The following CCDC192 variants were observed in gnomAD, a reference collection of about 807,000 sequenced individuals.
The protein encoded by CCDC192 is coiled-coil domain-containing protein 192.
chr5:127,892,938 G>A (rs146377330), intron 6 of CCDC192, among the ~76,000 whole-genome samples: 2 of 152,196 alleles, frequency 1.3e-5, no homozygotes, highest in East Asian at 1.9e-4. Context: ...TCCAAATACC[G>A]CAAGAGACAA....
At chr5:127,816,072 T>C (rs1030600001) in intron 5 of CCDC192, among the ~76,000 whole-genome samples, 42 of 152,122 alleles carry the variant, frequency 2.8e-4, no homozygotes, top group African/African-American at 1.0e-3. Flanking sequence ...GAAGTTGAGA[T>C]ACATTAATAT....
At chr5:127,853,024 A>T (rs2127088114) in intron 5 of CCDC192, among the ~76,000 whole-genome samples, 1 of 152,228 alleles carries the variant, frequency 6.6e-6, no homozygotes, top group East Asian at 1.9e-4. Context: ...CAGGAGGCGG[A>T]GCTTGCAGTG....
At chr5:127,787,143 A>G (rs1449716728) in intron 3 of CCDC192, 5 of 225,676 alleles carry the variant, frequency 2.2e-5, no homozygotes, top group Non-Finnish European at 3.7e-5. Flanking sequence ...AAATTTATTC[A>G]CAGCAGTTTG....
intron 2 of CCDC192, among the ~76,000 whole-genome samples, chr5:127,746,979 C>T (rs921083700): frequency 7.2e-5 from 11 of 151,770 alleles, no homozygotes; most frequent in Non-Finnish European, 1.6e-4. Context: ...TCAGGAAATG[C>T]ACACATGTAA....
chr5:127,929,889 C>T (rs1292968414), intron 6 of CCDC192, among the ~76,000 whole-genome samples: 1 of 152,104 alleles, frequency 6.6e-6, no homozygotes, highest in Non-Finnish European at 1.5e-5. Context: ...ACATTTGACA[C>T]TAGTGCAACA....
chr5:127,800,404 A>AAC (rs1359638759), intron 5 of CCDC192, among the ~76,000 whole-genome samples: 3 of 110,894 alleles, frequency 2.7e-5, no homozygotes, highest in Non-Finnish European at 6.0e-5. Context: ...AAAAAAAACA[A>AAC]CAACAACAAA....
intron 3 of CCDC192, among the ~76,000 whole-genome samples, chr5:127,763,916 TC>T (rs1187932965): frequency 1.3e-5 from 2 of 152,122 alleles, no homozygotes; most frequent in African/African-American, 4.8e-5. Flanking sequence ...TAGATGCCAT[TC>T]CCTCCAAAAT....
At chr5:127,830,899 C>T (rs978362169) in intron 5 of CCDC192, among the ~76,000 whole-genome samples, 1 of 151,970 alleles carries the variant, frequency 6.6e-6, no homozygotes, top group African/African-American at 2.4e-5. Flanking sequence ...AATGTTAAAC[C>T]ACATCTTAAG....
chr5:127,823,894 A>AT (rs1236652965), intron 5 of CCDC192, among the ~76,000 whole-genome samples: 2 of 152,080 alleles, frequency 1.3e-5, no homozygotes, highest in Non-Finnish European at 2.9e-5. Context: ...CAACTGACCA[A>AT]TTTTTTCTTT....
intron 2 of CCDC192, among the ~76,000 whole-genome samples, chr5:127,721,854 G>C (rs967412139): frequency 6.6e-6 from 1 of 152,096 alleles, no homozygotes; most frequent in Non-Finnish European, 1.5e-5. Context: ...AGAGAAAGCG[G>C]GGAGGTGCCA....
chr5:127,829,746 T>G (rs1749698723), intron 5 of CCDC192, among the ~76,000 whole-genome samples: 1 of 152,230 alleles, frequency 6.6e-6, no homozygotes, highest in South Asian at 2.1e-4. Context: ...TTAGTGTTTT[T>G]GTGTCTTTGT....
intron 2 of CCDC192, among the ~76,000 whole-genome samples, chr5:127,743,942 A>C (rs905608096): frequency 2.0e-5 from 3 of 151,802 alleles, no homozygotes; most frequent in African/African-American, 7.3e-5. Context: ...AAATACAAAA[A>C]AATTAGCCAG....
At chr5:127,763,916 T>C (rs907923108) in intron 3 of CCDC192, among the ~76,000 whole-genome samples, 2 of 152,122 alleles carry the variant, frequency 1.3e-5, no homozygotes, top group African/African-American at 4.8e-5. Context: ...TAGATGCCAT[T>C]CCCTCCAAAA....
intron 3 of CCDC192, among the ~76,000 whole-genome samples, chr5:127,769,474 G>A (rs1170804551): frequency 6.6e-6 from 1 of 151,904 alleles, no homozygotes; most frequent in African/African-American, 2.4e-5. Flanking sequence ...TGAAAACTGG[G>A]AGTCATCAAT....
intron 6 of CCDC192, among the ~76,000 whole-genome samples, chr5:127,918,194 G>A (rs1753582786): frequency 7.3e-6 from 1 of 137,388 alleles, no homozygotes; most frequent in African/African-American, 3.3e-5. Context: ...CCAATGCAGG[G>A]TTGCCAGACA....
At chr5:127,808,137 A>G (rs960364418) in intron 5 of CCDC192, among the ~76,000 whole-genome samples, 2 of 152,100 alleles carry the variant, frequency 1.3e-5, no homozygotes, top group Admixed American at 1.3e-4. Flanking sequence ...TTTTGTTTTT[A>G]TAAATGGTTA....
intron 2 of CCDC192, among the ~76,000 whole-genome samples, chr5:127,753,479 C>T (rs1209944380): frequency 2.0e-5 from 3 of 152,048 alleles, no homozygotes; most frequent in East Asian, 1.9e-4. Flanking sequence ...GGGCAGATCA[C>T]GAGGTCAGGA....
At chr5:127,838,849 G>T (rs1750150496) in intron 5 of CCDC192, among the ~76,000 whole-genome samples, 1 of 152,192 alleles carries the variant, frequency 6.6e-6, no homozygotes. Flanking sequence ...GTACTTCAGT[G>T]GTGTGACCAG....
chr5:127,908,467 C>G (rs1004999381), intron 6 of CCDC192, among the ~76,000 whole-genome samples: 1 of 152,128 alleles, frequency 6.6e-6, no homozygotes, highest in Non-Finnish European at 1.5e-5. Flanking sequence ...CATTCTTTTA[C>G]TTTCCCAAAA....
Sources: gnomAD v4.1 joint callset for allele counts (sites outside exome capture counted in the v4.1 genomes callset) on GRCh38, gnomAD v4.1.1 for gene constraint, MANE v1.5 for transcripts, NCBI Gene and HGNC (gene_info 2026-07-23, HGNC 2026-07-21) for gene names.